NUDCD1: variants seen among roughly 807,000 people sequenced by gnomAD.
NUDCD1 encodes nudC domain-containing protein 1.
A neutral mutation model predicts 67.8 loss-of-function variants in NUDCD1; 60 were observed. The ratio of observed to expected loss-of-function variants is 0.88; its 90% CI spans 0.72 to 1.10. The LOEUF (loss-of-function observed/expected upper bound fraction) is 1.10. Among genes scored for constraint, NUDCD1 ranks in the 50% least tolerant of loss-of-function variants. The probability of loss-of-function intolerance (pLI) is 0.00; values close to 1 mark genes in which losing one functional copy is unlikely to be tolerated. For missense variants in NUDCD1, 643 were observed against 695.0 expected (o/e 0.93, Z 0.84); for synonymous variants, 244 against 230.8 (o/e 1.06, Z -0.52).
intron 3 of NUDCD1, 94 bp from the exon 4 acceptor site, chr8:109,293,618 G>T: frequency 1.7e-6 from 1 of 578,726 alleles, no homozygotes; most frequent in Non-Finnish European, 2.7e-6. Context: ...TGATTCAACA[G>T]TTATTTTGGA....
At chr8:109,243,778 A>G (rs1008072304) in intron 9 of NUDCD1, among the ~76,000 whole-genome samples, 21 of 152,124 alleles carry the variant, frequency 1.4e-4, no homozygotes, top group Admixed American at 1.3e-4. Flanking sequence ...TGTATCCCTG[A>G]ATGTACTAGT....
chr8:109,251,200 G>T (rs928403204), intron 8 of NUDCD1, among the ~76,000 whole-genome samples: 1 of 140,186 alleles, frequency 7.1e-6, no homozygotes, highest in African/African-American at 2.6e-5. Context: ...TTTGGAGAGA[G>T]TCTCGCTCTG....
At chr8:109,264,026 G>A (rs1813931217) in intron 8 of NUDCD1, among the ~76,000 whole-genome samples, 1 of 151,960 alleles carries the variant, frequency 6.6e-6, no homozygotes, top group Non-Finnish European at 1.5e-5. Context: ...CTTGACTCTT[G>A]AGTATATGTC....
intron 8 of NUDCD1, among the ~76,000 whole-genome samples, chr8:109,269,311 T>G (rs1220304456): frequency 6.6e-6 from 1 of 152,214 alleles, no homozygotes; most frequent in Non-Finnish European, 1.5e-5. Flanking sequence ...TTTCAAATGG[T>G]ACTTCTGCCT....
intron 5 of NUDCD1, among the ~76,000 whole-genome samples, chr8:109,283,537 A>G (rs1293593172): frequency 1.3e-5 from 2 of 152,226 alleles, no homozygotes; most frequent in Non-Finnish European, 2.9e-5. Context: ...AGGCACCTAA[A>G]GAAAAGAGAT....
intron 4 of NUDCD1, among the ~76,000 whole-genome samples, chr8:109,290,255 T>C (rs1814678984): frequency 6.6e-6 from 1 of 152,286 alleles, no homozygotes; most frequent in East Asian, 1.9e-4. Context: ...AATTGCTCAA[T>C]AGCCACACAT....
At chr8:109,332,679 G>A (rs1229537416) in intron 1 of NUDCD1, among the ~76,000 whole-genome samples, 3 of 152,188 alleles carry the variant, frequency 2.0e-5, no homozygotes, top group African/African-American at 4.8e-5. Context: ...TTCTTGTTTT[G>A]AGACACTGAA....
chr8:109,320,323 G>A (rs1267773384), intron 2 of NUDCD1, among the ~76,000 whole-genome samples: 28 of 152,168 alleles, frequency 1.8e-4, no homozygotes, highest in Admixed American at 1.8e-3. Flanking sequence ...GGCCAGTTCA[G>A]AGACCCACCC....
chr8:109,298,459 GA>G (rs1034858208), intron 2 of NUDCD1: 1 of 152,056 alleles, frequency 6.6e-6, no homozygotes, highest in Non-Finnish European at 1.5e-5. Flanking sequence ...GAACTTCTGG[GA>G]AAAAATTAAA....
chr8:109,253,743 ATAAC>A (rs1382467110), intron 8 of NUDCD1, among the ~76,000 whole-genome samples: 2 of 152,254 alleles, frequency 1.3e-5, no homozygotes, highest in Non-Finnish European at 2.9e-5. Context: ...AGTGACTAAA[ATAAC>A]TAGTTTTGCT....
At chr8:109,328,682 T>C (rs1047645888) in intron 1 of NUDCD1, among the ~76,000 whole-genome samples, 3 of 152,154 alleles carry the variant, frequency 2.0e-5, no homozygotes, top group African/African-American at 7.2e-5. Flanking sequence ...GAAATAACCC[T>C]AGACTGAGCA....
chr8:109,248,417 T>C (rs1410535168), intron 8 of NUDCD1, among the ~76,000 whole-genome samples: 1 of 152,202 alleles, frequency 6.6e-6, no homozygotes, highest in Non-Finnish European at 1.5e-5. Context: ...TGCCCTTTTT[T>C]CTCCAAATTG....
chr8:109,270,120 C>A (rs1814111778), intron 8 of NUDCD1, among the ~76,000 whole-genome samples: 1 of 134,910 alleles, frequency 7.4e-6, no homozygotes, highest in African/African-American at 2.9e-5. Context: ...GCATATATGG[C>A]ACACCAGAGA....
chr8:109,320,087 T>C (rs571725117), intron 2 of NUDCD1, among the ~76,000 whole-genome samples: 1 of 152,178 alleles, frequency 6.6e-6, no homozygotes, highest in African/African-American at 2.4e-5. Context: ...CAGGGCGAGA[T>C]CACAAAACCA....
chr8:109,305,943 T>C (rs1815092420), intron 2 of NUDCD1, among the ~76,000 whole-genome samples: 1 of 152,158 alleles, frequency 6.6e-6, no homozygotes. Flanking sequence ...TGAAGAACAG[T>C]AATAACCCTT....
At chr8:109,297,893 TA>T (rs1176066740) in intron 2 of NUDCD1, among the ~76,000 whole-genome samples, 1 of 152,232 alleles carries the variant, frequency 6.6e-6, no homozygotes, top group East Asian at 1.9e-4. Context: ...AGTTTTTCTA[TA>T]GGAGAAAAGT....
intron 5 of NUDCD1, among the ~76,000 whole-genome samples, chr8:109,287,234 C>T (rs150346149): frequency 1.5e-3 from 232 of 152,246 alleles, no homozygotes; most frequent in South Asian, 3.3e-3. Context: ...TTGGAGATTT[C>T]TCAAAGAACT....
chr8:109,247,602 T>C (rs1813528456), intron 8 of NUDCD1, among the ~76,000 whole-genome samples: 1 of 152,216 alleles, frequency 6.6e-6, no homozygotes, highest in Non-Finnish European at 1.5e-5. Flanking sequence ...TGTCAAGTGT[T>C]GTTAATTGTG....
Position 109,257,231 on chromosome 8 carries a change from C to T in NUDCD1, c.1300-11750G>A, listed in dbSNP as rs143049092. Among the ~76,000 whole-genome samples, 271 of 152,080 alleles carry T rather than the reference C, an allele frequency of 1.8e-3. 1 individual carries two copies. The highest frequency in any genetic ancestry group is 6.3e-3 in the African/African-American group (260 of 41,520). On this transcript the variant is annotated intron_variant, in intron 8 of 9. Coordinates refer to ENST00000239690, the MANE Select transcript of NUDCD1 (RefSeq NM_032869.4). ...AACTGTCTTTATTCACAGATACTAC[C>T]CTGTACACTGAAATCTTGGAGTATC...
Sources: allele counts gnomAD v4.1 joint callset (sites outside exome capture counted in the v4.1 genomes callset), GRCh38; gene constraint gnomAD v4.1.1; transcripts MANE v1.5; gene names NCBI Gene and HGNC (gene_info 2026-07-23, HGNC 2026-07-21).